GRM3: variants seen among roughly 807,000 people sequenced by gnomAD.
GRM3 encodes metabotropic glutamate receptor 3.
A neutral mutation model predicts 70.5 loss-of-function variants in GRM3; 26 were observed. The ratio of observed to expected loss-of-function variants is 0.37; its 90% CI spans 0.27 to 0.51. The LOEUF is 0.51. GRM3 is among the 20% of genes least tolerant of loss of function. The pLI is 0.93. For synonymous variants in GRM3, 443 were observed against 434.9 expected (o/e 1.02, Z -0.23); for missense variants, 859 against 1,123.8 (o/e 0.76, Z 3.37).
chr7:86,848,211 A>T (rs931549190), intron 4 of GRM3, among the ~76,000 whole-genome samples: 1 of 152,196 alleles, frequency 6.6e-6, no homozygotes, highest in Admixed American at 6.6e-5. Flanking sequence ...ATATAGTCCT[A>T]TGTAATGATC....
intron 3 of GRM3, among the ~76,000 whole-genome samples, chr7:86,830,311 G>A (rs1327190967): frequency 6.6e-6 from 1 of 152,154 alleles, no homozygotes; most frequent in Admixed American, 6.5e-5. Flanking sequence ...GTGAGGCTGA[G>A]ACCCACTTGC....
At chr7:86,780,772 C>T (rs763947525) in intron 2 of GRM3, among the ~76,000 whole-genome samples, 3 of 152,066 alleles carry the variant, frequency 2.0e-5, no homozygotes, top group African/African-American at 7.2e-5. Flanking sequence ...CTGTTGATGG[C>T]CAGTCAGTAA....
chr7:86,740,251 T>C (rs1318630702), intron 1 of GRM3, among the ~76,000 whole-genome samples: 2 of 152,192 alleles, frequency 1.3e-5, no homozygotes, highest in African/African-American at 4.8e-5. Flanking sequence ...TACTATTCCA[T>C]AGGCCCAACT....
chr7:86,686,784 G>T (rs114799887), intron 1 of GRM3, among the ~76,000 whole-genome samples: 9 of 151,550 alleles, frequency 5.9e-5, no homozygotes, highest in Non-Finnish European at 7.4e-5. Context: ...TAAAAGAAAC[G>T]CAAAAAATAG....
intron 1 of GRM3, among the ~76,000 whole-genome samples, chr7:86,763,043 A>G (rs1215203500): frequency 6.6e-6 from 1 of 152,182 alleles, no homozygotes; most frequent in Non-Finnish European, 1.5e-5. Context: ...ATACATTGAT[A>G]GAAGATGGGC....
chr7:86,760,319 T>C (rs565212789), intron 1 of GRM3, among the ~76,000 whole-genome samples: 32 of 152,264 alleles, frequency 2.1e-4, no homozygotes, highest in African/African-American at 7.7e-4. Context: ...GTTATATTCA[T>C]AGCAAACATC....
intron 3 of GRM3, among the ~76,000 whole-genome samples, chr7:86,802,612 G>A (rs77040025): frequency 0.054 from 8,140 of 149,838 alleles, 694 homozygotes; most frequent in African/African-American, 0.19. Context: ...AAAAAAAAAC[G>A]TAATCAGGCT....
intron 1 of GRM3, among the ~76,000 whole-genome samples, chr7:86,754,636 T>A (rs767235239): frequency 6.6e-6 from 1 of 152,138 alleles, no homozygotes. Context: ...TAACCATAGT[T>A]TTAGCACATA....
chr7:86,862,595 GA>G lies in GRM3; in HGVS notation c.2567-1680del, dbSNP rs1255669824. 7.9e-5 allele frequency among the ~76,000 whole-genome samples: 12 copies of G among 152,060 alleles called. 1 individual carries two copies. The highest frequency in any genetic ancestry group is 2.9e-4 in the African/African-American group (12 of 41,510). On this transcript the variant is annotated intron_variant, in intron 5 of 5. Transcript: ENST00000361669. ...TTGAACCTGATCCTAATAAGAAGAA[GA>G]AAAAAATCTCCAAAAGAGTTAGCAT...
At position 86,864,294 on chromosome 7, in the gene GRM3, C is replaced by A. The variant is rs550784993; in HGVS notation, c.2579C>A (p.Thr860Lys). Reference protein sequence around the residue: ...GTTYSQSSASTYVPTVCNGRE... With the variant: ...GTTYSQSSASKYVPTVCNGRE... ...CTTTGTTTTCCAGCCTCTGCAAGCACGTATGTGCCAACGGTGTGCAATGGG... is the reference window on the plus strand; with the variant it reads ...CTTTGTTTTCCAGCCTCTGCAAGCAAGTATGTGCCAACGGTGTGCAATGGG... Residue 860 changes from threonine (T) to lysine (K), a missense_variant, in exon 6 of 6, where the codon ACG becomes AAG. Thr to Lys is a moderately conservative substitution (Grantham distance 78). Transcript: ENST00000361669. 1 of 1,588,120 alleles carries A rather than the reference C, an allele frequency of 6.3e-7. No individual in the cohort carries two copies. The highest frequency in any genetic ancestry group is 8.6e-7 in the Non-Finnish European group (1 of 1,156,418).
chr7:86,833,595 A>G (rs1798397372), intron 3 of GRM3, among the ~76,000 whole-genome samples: 2 of 152,292 alleles, frequency 1.3e-5, no homozygotes, highest in South Asian at 4.2e-4. Flanking sequence ...GCAGCACCTA[A>G]GAGCTTGCTT....
intron 1 of GRM3, among the ~76,000 whole-genome samples, chr7:86,693,524 A>G (rs1022180302): frequency 2.6e-5 from 4 of 152,226 alleles, no homozygotes; most frequent in African/African-American, 4.8e-5. Flanking sequence ...AAGAAAAAGG[A>G]CACGCTTCTA....
At chr7:86,688,124 C>T (rs530929569) in intron 1 of GRM3, among the ~76,000 whole-genome samples, 1 of 151,290 alleles carries the variant, frequency 6.6e-6, no homozygotes, top group South Asian at 2.1e-4. Context: ...TTTTACACCT[C>T]GAATATAATT....
intron 3 of GRM3, among the ~76,000 whole-genome samples, chr7:86,827,357 A>G (rs912702328): frequency 2.0e-5 from 3 of 152,206 alleles, no homozygotes; most frequent in Admixed American, 2.0e-4. Context: ...ATTTAGGGGC[A>G]TTAAAACTAA....
intron 1 of GRM3, among the ~76,000 whole-genome samples, chr7:86,704,787 A>C (rs1795020359): frequency 6.6e-6 from 1 of 151,892 alleles, no homozygotes; most frequent in Non-Finnish European, 1.5e-5. Context: ...TTTCTTTGAA[A>C]TTTCTTTAGA....
intron 1 of GRM3, among the ~76,000 whole-genome samples, chr7:86,645,500 T>G (rs190039914): frequency 4.8e-4 from 73 of 152,338 alleles, no homozygotes; most frequent in Non-Finnish European, 8.4e-4. Flanking sequence ...CTGTTCCATT[T>G]TCTTATCTGA....
chr7:86,798,841 A>C (rs1350403170), intron 3 of GRM3, among the ~76,000 whole-genome samples: 1 of 151,068 alleles, frequency 6.6e-6, no homozygotes, highest in Non-Finnish European at 1.5e-5. Flanking sequence ...TAATTGAATC[A>C]TGGGCTGATG....
chr7:86,827,957 A>G (rs990560662), intron 3 of GRM3, among the ~76,000 whole-genome samples: 1 of 151,900 alleles, frequency 6.6e-6, no homozygotes, highest in Non-Finnish European at 1.5e-5. Flanking sequence ...CTAAAAATAC[A>G]AAAAATTAGC....
chr7:86,751,916 C>T (rs1397177431), intron 1 of GRM3, among the ~76,000 whole-genome samples: 1 of 152,094 alleles, frequency 6.6e-6, no homozygotes, highest in East Asian at 1.9e-4. Flanking sequence ...GTCAATACTC[C>T]TGTGACCTAT....
Sources: allele counts gnomAD v4.1 joint callset (sites outside exome capture counted in the v4.1 genomes callset), GRCh38; gene constraint gnomAD v4.1.1; transcripts MANE v1.5; gene names NCBI Gene and HGNC (gene_info 2026-07-23, HGNC 2026-07-21).